Variants in MALT1 observed in about 807,000 individuals in gnomAD.
MALT1 encodes mucosa-associated lymphoid tissue lymphoma translocation protein 1.
In MALT1, 36 loss-of-function variants were observed where a neutral mutation model predicts 85.5. The ratio of observed to expected loss-of-function variants is 0.42; its 90% CI spans 0.32 to 0.56. The LOEUF (loss-of-function observed/expected upper bound fraction) is 0.56. Ranked by LOEUF, MALT1 falls within the 20% of genes least tolerant of loss-of-function variation. The probability of loss-of-function intolerance (pLI) is 0.10; values close to 1 mark genes in which losing one functional copy is unlikely to be tolerated. For synonymous variants in MALT1, 359 were observed against 361.3 expected, an observed-to-expected ratio of 0.99 and a Z score of 0.07; for missense variants, 716 against 981.6, an observed-to-expected ratio of 0.73 and a Z score of 3.62.
intron 10 of MALT1, 57 bp from the exon 11 acceptor site, chr18:58,733,340 T>TACA: frequency 8.8e-7 from 1 of 1,131,756 alleles, no homozygotes. Flanking sequence ...GCAGTCTGTA[T>TACA]GTTCAGAGTG....
intron 2 of MALT1, among the ~76,000 whole-genome samples, chr18:58,694,813 T>C (rs536491730): frequency 1.3e-5 from 2 of 152,338 alleles, no homozygotes; most frequent in Non-Finnish European, 1.5e-5. Flanking sequence ...TCTGAAGGTT[T>C]CCCCAGGGTT....
At chr18:58,740,687 T>G (rs976603026) in intron 13 of MALT1, among the ~76,000 whole-genome samples, 11 of 152,188 alleles carry the variant, frequency 7.2e-5, no homozygotes, top group African/African-American at 1.9e-4. Context: ...AAGTAAAAGA[T>G]GAAATTTTGT....
intron 10 of MALT1, among the ~76,000 whole-genome samples, chr18:58,729,127 TGAA>T (rs2055107552): frequency 6.6e-6 from 1 of 152,192 alleles, no homozygotes; most frequent in Admixed American, 6.5e-5. Flanking sequence ...ATAGTCCAGA[TGAA>T]GGAGTATGCT....
intron 4 of MALT1, among the ~76,000 whole-genome samples, chr18:58,704,614 A>C (rs930508301): frequency 3.9e-5 from 6 of 152,084 alleles, no homozygotes; most frequent in African/African-American, 1.2e-4. Context: ...GCACCACTGC[A>C]CCTGGCTAAT....
At chr18:58,694,424 C>A (rs1488095407) in intron 2 of MALT1, among the ~76,000 whole-genome samples, 2 of 151,862 alleles carry the variant, frequency 1.3e-5, no homozygotes, top group African/African-American at 2.4e-5. Context: ...TGTTTCTTTG[C>A]ATTGGTGGGT....
chr18:58,671,518 G>T lies in MALT1; in HGVS notation c.-126G>T, dbSNP rs541201464. On this transcript the variant is annotated 5_prime_UTR_variant, in exon 1 of 17. Coordinates refer to ENST00000649217, the MANE Select transcript of MALT1 (RefSeq NM_006785.4). ...AGCTTCCTCCTCTGAGGGCCGTGCC[G>T]CGCTGCCAGATTTGTTCTTCCGCCC... The T allele has an allele frequency of 4.4e-3, 2,354 of 538,732 alleles. 8 individuals carry two copies. The highest frequency in any genetic ancestry group is 5.8e-3 in the Non-Finnish European group (2,109 of 363,128). 33.4% of individuals were successfully genotyped at this position (538,732 alleles called of 1,614,324 possible). A position where few individuals can be genotyped will look rare whatever the true frequency, so the allele number is the denominator to read the frequency against.
chr18:58,697,583 G>A (rs1439179998), intron 3 of MALT1, among the ~76,000 whole-genome samples: 1 of 152,150 alleles, frequency 6.6e-6, no homozygotes, highest in Non-Finnish European at 1.5e-5. Context: ...TTTCTCAATT[G>A]CAAAGTTACT....
At chr18:58,718,612 C>G (rs2054937415) in intron 9 of MALT1, among the ~76,000 whole-genome samples, 1 of 152,188 alleles carries the variant, frequency 6.6e-6, no homozygotes, top group African/African-American at 2.4e-5. Context: ...TTGTCTTCCA[C>G]AAAACTGGTC....
intron 4 of MALT1, among the ~76,000 whole-genome samples, chr18:58,709,028 T>C (rs758723269): frequency 4.6e-5 from 7 of 152,340 alleles, no homozygotes; most frequent in African/African-American, 1.7e-4. Flanking sequence ...GTTAATAAGT[T>C]GTTTGCCTCG....
intron 13 of MALT1, among the ~76,000 whole-genome samples, chr18:58,736,146 A>C (rs1368351483): frequency 6.6e-6 from 1 of 152,144 alleles, no homozygotes; most frequent in African/African-American, 2.4e-5. Context: ...AAAATAAAAA[A>C]GAAGAAATTA....
In MALT1 at chr18:58,749,160, A is replaced by G; in HGVS notation, c.*1318A>G. On this transcript the variant is annotated 3_prime_UTR_variant, in exon 17 of 17. Coordinates refer to ENST00000649217, the MANE Select transcript of MALT1 (RefSeq NM_006785.4). The stretch of plus-strand genomic sequence containing the variant: ...TCAGTTCTCATTATTCACAGTAATT[A>G]TGTTCTACAGAATATTCTCCCATAA... The G allele has an allele frequency of 4.6e-6, 1 of 218,174 alleles. No homozygotes were observed. The highest frequency in any genetic ancestry group is 9.2e-6 in the Non-Finnish European group (1 of 108,636). 13.5% of individuals were successfully genotyped at this position (218,174 alleles called of 1,614,324 possible).
intron 10 of MALT1, among the ~76,000 whole-genome samples, chr18:58,728,978 A>G (rs2055105909): frequency 6.6e-6 from 1 of 152,190 alleles, no homozygotes; most frequent in Non-Finnish European, 1.5e-5. Flanking sequence ...GAGTAATACC[A>G]GTTGTTGAAA....
At chr18:58,685,868 T>C (rs1184417658) in intron 2 of MALT1, among the ~76,000 whole-genome samples, 1 of 152,062 alleles carries the variant, frequency 6.6e-6, no homozygotes, top group Non-Finnish European at 1.5e-5. Context: ...TAGAAGGGGG[T>C]TAAATGGATG....
Position 58,747,927 on chromosome 18 carries a change from C to A in MALT1, c.*85C>A. ...CATAAAGTGAGACATTGTGAAAAGG[C>A]AAATTTGTATATGTAGAGAAAGAAT... On this transcript the variant is annotated 3_prime_UTR_variant, in exon 17 of 17. Coordinates refer to ENST00000649217, the MANE Select transcript of MALT1 (RefSeq NM_006785.4). The A allele has an allele frequency of 1.8e-5, 19 of 1,044,604 alleles. No homozygotes were observed. The allele number at this position is 1,044,604 out of a possible 1,614,324, so 64.7% of individuals were successfully genotyped here. A position where few individuals can be genotyped will look rare whatever the true frequency, so the allele number is the denominator to read the frequency against.
intron 10 of MALT1, among the ~76,000 whole-genome samples, chr18:58,727,986 G>A (rs1019643278): frequency 1.3e-5 from 2 of 152,182 alleles, no homozygotes; most frequent in Non-Finnish European, 1.5e-5. Context: ...AGTAAGTGCC[G>A]TGTAAGCCTG....
intron 10 of MALT1, among the ~76,000 whole-genome samples, chr18:58,731,549 C>T (rs969371532): frequency 1.3e-5 from 2 of 152,168 alleles, no homozygotes; most frequent in Admixed American, 6.5e-5. Context: ...AGGTCCAATC[C>T]GTGTTTATTT....
At chr18:58,672,033 G>A (rs910381874) in intron 1 of MALT1, among the ~76,000 whole-genome samples, 181 bp downstream of exon 1, 1 of 152,224 alleles carries the variant, frequency 6.6e-6, no homozygotes, top group Non-Finnish European at 1.5e-5. Context: ...GGAACGCCTG[G>A]GGTTTGAGAG....
In MALT1 at chr18:58,744,436, A is replaced by G. The variant is rs2144488994; in HGVS notation, c.1852A>G (p.Ile618Val). The G allele has an allele frequency of 1.2e-6, 2 of 1,608,542 alleles. No individual in the cohort carries two copies. The highest frequency in any genetic ancestry group is 1.7e-6 in the Non-Finnish European group (2 of 1,176,322). Residue 618 changes from isoleucine (I) to valine (V), a missense_variant, in exon 15 of 17, where the codon ATA becomes GTA. By Grantham distance (29) the Ile-to-Val change is conservative (BLOSUM62 3). This residue lies in a region of MALT1 where 260 missense variants were observed against 323.7 expected (regional missense o/e 0.80). Transcript: ENST00000649217. The stretch of plus-strand genomic sequence containing the variant: ...CAATGTCATGATCATCTATACAAGT[A>G]TAGTTTACAAACCACCGGAGATAAT... ...FSNVMIIYTS[I>V]VYKPPEIIMC...
At position 58,751,713 on chromosome 18, in the gene MALT1, A is replaced by C. The variant is rs1297232631; in HGVS notation, c.*3871A>C. On this transcript the variant is annotated 3_prime_UTR_variant, in exon 17 of 17. Coordinates refer to ENST00000649217, the MANE Select transcript of MALT1 (RefSeq NM_006785.4). ...TGTCAATACCAATTAGAATGTAATA[A>C]AGAAATTAGGATAGTGGAGGTTTGA... 1 of 152,228 alleles carries C rather than the reference A, an allele frequency of 6.6e-6. No individual in the cohort carries two copies. The highest frequency in any genetic ancestry group is 2.4e-5 in the African/African-American group (1 of 41,454). The allele number at this position is 152,228 out of a possible 1,614,324, so 9.4% of individuals were successfully genotyped here.
Sources: gnomAD v4.1 joint callset for allele counts (sites outside exome capture counted in the v4.1 genomes callset) on GRCh38, gnomAD v4.1.1 for gene constraint, gnomAD v4.1.1 regional missense constraint, MANE v1.5 for transcripts, NCBI Gene and HGNC (gene_info 2026-07-23, HGNC 2026-07-21) for gene names.